Variants in CSMD1 observed in about 807,000 individuals in gnomAD.
CSMD1 encodes the protein CUB and Sushi multiple domains 1, also known as CUB and sushi domain-containing protein 1.
CSMD1 carries 213 observed loss-of-function variants against 417.5 expected under a neutral mutation model. The observed-to-expected ratio is 0.51, with a 90% CI of 0.46 to 0.57. CSMD1 has a LOEUF of 0.57. Among genes scored for constraint, CSMD1 ranks in the 20% least tolerant of loss-of-function variants. The pLI is 0.00. For synonymous variants in CSMD1, 2,862 were observed against 1,736.8 expected, an observed-to-expected ratio of 1.65 and a Z score of -16.11; for missense variants, 6,923 against 4,529.7, an observed-to-expected ratio of 1.53 and a Z score of -15.17.
At chr8:4,990,075 C>G (rs532972988) in intron 1 of CSMD1, among the ~76,000 whole-genome samples, 8 of 152,144 alleles carry the variant, frequency 5.3e-5, no homozygotes, top group African/African-American at 1.9e-4. Flanking sequence ...CAGTGAGATG[C>G]TTGAGACATG....
chr8:4,078,896 A>AATATATATAT (rs1173719388), intron 3 of CSMD1, among the ~76,000 whole-genome samples: 15 of 43,490 alleles, frequency 3.4e-4, no homozygotes, highest in African/African-American at 4.3e-4. Context: ...AATAATAATA[A>AATATATATAT]ATATATATAT....
intron 5 of CSMD1, among the ~76,000 whole-genome samples, chr8:3,909,041 G>A (rs1178100023): frequency 1.3e-5 from 2 of 152,300 alleles, no homozygotes; most frequent in Non-Finnish European, 2.9e-5. Flanking sequence ...CATTGTGGGT[G>A]AAATGCGGGG....
chr8:4,310,060 G>C (rs1482667171), intron 3 of CSMD1, among the ~76,000 whole-genome samples: 3 of 152,152 alleles, frequency 2.0e-5, no homozygotes, highest in Non-Finnish European at 4.4e-5. Context: ...GAAAGATGAA[G>C]TATCAGGAAT....
Position 3,018,565 on chromosome 8 carries a change from C to A in CSMD1, c.7941G>T (p.Thr2647=). The A allele has an allele frequency of 1.2e-6, 2 of 1,613,538 alleles. No homozygotes were observed. The highest frequency in any genetic ancestry group is 1.7e-6 in the Non-Finnish European group (2 of 1,179,792). The change falls in exon 52 of 70, where the codon ACG becomes ACT. Residue 2647 remains threonine, a synonymous_variant. Coordinates refer to ENST00000635120, the MANE Select transcript of CSMD1 (RefSeq NM_033225.6). ...CCACAAGCGTGTAGCCGGTGTTGCA[C>A]GTAAATATAGCTGTGGCCCCATAAA... ...LTVYGATAIF[T]CNTGYTLVGS...
At chr8:4,338,206 A>T (rs1446949661) in intron 3 of CSMD1, among the ~76,000 whole-genome samples, 2 of 152,180 alleles carry the variant, frequency 1.3e-5, no homozygotes, top group African/African-American at 4.8e-5. Context: ...TTAGAGATGC[A>T]TGTCATAGTT....
At chr8:4,516,852 T>G (rs1218035649) in intron 2 of CSMD1, among the ~76,000 whole-genome samples, 1 of 151,466 alleles carries the variant, frequency 6.6e-6, no homozygotes, top group African/African-American at 2.5e-5. Flanking sequence ...TATAGCCAAT[T>G]TTTTTTCTTT....
chr8:4,952,312 A>C (rs543371925), intron 1 of CSMD1, among the ~76,000 whole-genome samples: 1 of 148,682 alleles, frequency 6.7e-6, no homozygotes, highest in East Asian at 2.0e-4. Context: ...TAATTAGCCA[A>C]CGCTTTTTGG....
chr8:3,207,589 C>T (rs1219133157), intron 30 of CSMD1, among the ~76,000 whole-genome samples: 1 of 152,092 alleles, frequency 6.6e-6, no homozygotes, highest in African/African-American at 2.4e-5. Flanking sequence ...TATGGTAATG[C>T]TAAGGATAAG....
At chr8:3,295,007 G>T (rs75267072) in intron 25 of CSMD1, among the ~76,000 whole-genome samples, 1 of 152,046 alleles carries the variant, frequency 6.6e-6, no homozygotes, top group Non-Finnish European at 1.5e-5. Flanking sequence ...ATATGTGTGT[G>T]TATTTGTATT....
At position 4,385,647 on chromosome 8, in the gene CSMD1, G is replaced by A. The variant is rs1182688805; in HGVS notation, c.415+34306C>T. On this transcript the variant is annotated intron_variant, in intron 3 of 69. Transcript: ENST00000635120. ...ATCAGTAACAGATGCAAAGACAATTGGCATCATCCTGTAGGCATTATCCAA... is the reference window on the plus strand; with the variant it reads ...ATCAGTAACAGATGCAAAGACAATTAGCATCATCCTGTAGGCATTATCCAA... Among the ~76,000 whole-genome samples, 3 of 152,092 alleles carry A rather than the reference G, an allele frequency of 2.0e-5. No individual in the cohort carries two copies. In the East Asian group the frequency reaches 5.8e-4, roughly 29 times the overall value.
chr8:3,735,276 G>A lies in CSMD1; in HGVS notation c.931+18654C>T, dbSNP rs577659199. On this transcript the variant is annotated intron_variant, in intron 6 of 69. Coordinates refer to ENST00000635120, the MANE Select transcript of CSMD1 (RefSeq NM_033225.6). ...ATTACTCAACACAGATCCAAAACTT[G>A]GCTTATACATCATATATGGCAAGAT... 3.1e-3 allele frequency among the ~76,000 whole-genome samples: 477 copies of A among 151,556 alleles called. 3 individuals are homozygous for A. The highest frequency in any genetic ancestry group is 0.011 in the African/African-American group (467 of 41,364).
At chr8:4,151,694 T>C (rs1353707580) in intron 3 of CSMD1, among the ~76,000 whole-genome samples, 2 of 152,198 alleles carry the variant, frequency 1.3e-5, no homozygotes, top group African/African-American at 4.8e-5. Context: ...ATCCAACTGA[T>C]TTCCTCAAGC....
At chr8:3,520,039 T>TATATATATTC (rs545212684) in intron 10 of CSMD1, among the ~76,000 whole-genome samples, 3 of 147,110 alleles carry the variant, frequency 2.0e-5, no homozygotes, top group African/African-American at 7.8e-5. Flanking sequence ...TATATATATA[T>TATATATATTC]ACACGTATAG....
At chr8:4,901,988 C>T (rs1804901192) in intron 1 of CSMD1, among the ~76,000 whole-genome samples, 1 of 152,176 alleles carries the variant, frequency 6.6e-6, no homozygotes, top group Admixed American at 6.5e-5. Context: ...CAACCTCAAA[C>T]ATCATTTAAG....
chr8:4,402,505 T>A (rs1403681615), intron 3 of CSMD1, among the ~76,000 whole-genome samples: 1 of 152,140 alleles, frequency 6.6e-6, no homozygotes, highest in South Asian at 2.1e-4. Flanking sequence ...CTCCCAAGCA[T>A]CCATATAGCA....
intron 12 of CSMD1, among the ~76,000 whole-genome samples, chr8:3,412,909 G>C (rs866099393): frequency 6.6e-6 from 1 of 152,180 alleles, no homozygotes; most frequent in Non-Finnish European, 1.5e-5. Context: ...CTTGTTTGTT[G>C]TGGGCTCTCC....
intron 3 of CSMD1, among the ~76,000 whole-genome samples, chr8:4,274,546 G>C (rs959013742): frequency 9.2e-5 from 14 of 152,120 alleles, no homozygotes; most frequent in Non-Finnish European, 1.6e-4. Context: ...TAAGAGGTCT[G>C]TGTTTATAGG....
chr8:4,137,412 G>T (rs565961135), intron 3 of CSMD1, among the ~76,000 whole-genome samples: 1 of 77,906 alleles, frequency 1.3e-5, no homozygotes, highest in African/African-American at 2.9e-5. Flanking sequence ...AAAAGTTATC[G>T]CTTGTGTTTA....
intron 1 of CSMD1, among the ~76,000 whole-genome samples, chr8:4,748,071 C>T (rs956127574): frequency 6.6e-6 from 1 of 152,198 alleles, no homozygotes; most frequent in Non-Finnish European, 1.5e-5. Flanking sequence ...GCTGTGCCCC[C>T]ACCCTCTGTT....
Sources: allele counts gnomAD v4.1 joint callset (sites outside exome capture counted in the v4.1 genomes callset), GRCh38; gene constraint gnomAD v4.1.1; transcripts MANE v1.5; gene names NCBI Gene and HGNC (gene_info 2026-07-23, HGNC 2026-07-21).